The following LHX2 variants were observed in gnomAD, a reference collection of about 807,000 sequenced individuals.
The protein encoded by LHX2 is LIM homeobox 2.
In LHX2, 6 loss-of-function variants were observed where a neutral mutation model predicts 33.0. The ratio of observed to expected loss-of-function variants is 0.18; its 90% CI spans 0.10 to 0.36. The LOEUF is 0.36. Among genes scored for constraint, LHX2 ranks in the 10% least tolerant of loss-of-function variants. The pLI is 1.00. For missense variants in LHX2, 442 were observed against 586.2 expected (o/e 0.75, Z 2.54); for synonymous variants, 292 against 253.1 (o/e 1.15, Z -1.46).
chr9:124,013,763 C>T lies in LHX2; in HGVS notation c.121-198C>T, dbSNP rs1859132915. On this transcript the variant is annotated intron_variant, in intron 1 of 4. Coordinates refer to ENST00000373615, the MANE Select transcript of LHX2 (RefSeq NM_004789.4). ...CCGTGGCTGGCGAGGGCTGCGCAGGCAGGCCTGGGTTCTGAACCGCCCAGA... is the reference window on the plus strand; with the variant it reads ...CCGTGGCTGGCGAGGGCTGCGCAGGTAGGCCTGGGTTCTGAACCGCCCAGA... Among the ~76,000 whole-genome samples, 3 of 152,272 alleles carry T rather than the reference C, an allele frequency of 2.0e-5. No individual in the cohort carries two copies. The South Asian group carries it at 6.2e-4, about 31-fold the overall frequency.
chr9:124,028,643 T>G (rs1828664734), intron 4 of LHX2, among the ~76,000 whole-genome samples: 1 of 152,230 alleles, frequency 6.6e-6, no homozygotes, highest in Non-Finnish European at 1.5e-5. Context: ...CTTCTCTGTT[T>G]CTTCATCCAT....
At chr9:124,017,832 G>T (rs1217716095) in intron 3 of LHX2, among the ~76,000 whole-genome samples, 1 of 152,052 alleles carries the variant, frequency 6.6e-6, no homozygotes, top group African/African-American at 2.4e-5. Context: ...GGCCGCAGCG[G>T]CCTCTTCCCG....
At chr9:124,030,414 G>A (rs991338438) in intron 4 of LHX2, among the ~76,000 whole-genome samples, 4 of 152,124 alleles carry the variant, frequency 2.6e-5, no homozygotes, top group African/African-American at 7.2e-5. Context: ...GGCTTCTGGC[G>A]GGTGTTTTCC....
intron 4 of LHX2, among the ~76,000 whole-genome samples, chr9:124,028,789 A>G (rs1329193358): frequency 6.6e-6 from 1 of 151,920 alleles, no homozygotes; most frequent in Non-Finnish European, 1.5e-5. Context: ...TGGTTTTACC[A>G]CTCTGACCCT....
chr9:124,032,310 G>T lies in LHX2; in HGVS notation c.934-110G>T. On this transcript the variant is annotated intron_variant, in intron 4 of 4. Transcript: ENST00000373615. The surrounding 1 kb of genome is among the most constrained non-coding windows in gnomAD (Gnocchi z 4.1). ...CCAACCTGACTTTTTGGATCCTCTT[G>T]GCAAAACACAGATCAGCGTCCCCAG... The T allele has an allele frequency of 7.5e-7, 1 of 1,326,128 alleles. No homozygotes were observed. The highest frequency in any genetic ancestry group is 1.0e-6 in the Non-Finnish European group (1 of 992,230). 82.1% of individuals were successfully genotyped at this position (1,326,128 alleles called of 1,614,324 possible). A position where few individuals can be genotyped will look rare whatever the true frequency, so the allele number is the denominator to read the frequency against.
At position 124,015,727 on chromosome 9, in the gene LHX2, CCTTGCTGCTCCGGGTGCAGGGCCTTGTCT is replaced by C. The variant is rs1293301637; in HGVS notation, c.727+205_727+233del. 2.0e-5 allele frequency among the ~76,000 whole-genome samples: 3 copies of C among 152,262 alleles called. No individual in the cohort carries two copies. Among genetic ancestry groups the C allele is most frequent in the Non-Finnish European group, 4.4e-5 (3 of 68,042 alleles). On this transcript the variant is annotated intron_variant, in intron 3 of 4. Transcript: ENST00000373615. This position sits in a 1 kb window ranked among gnomAD's most constrained non-coding sequence, Gnocchi z 7.9. ...AGCGGGAGGAGAGGGTGCAGTGGTC[CCTTGCTGCTCCGGGTGCAGGGCCTTGTCT>C]CTGATAAATTGTTTTTTTGGAGATG... is the stretch of plus-strand genomic sequence containing the variant.
chr9:124,029,360 G>A (rs1356726061), intron 4 of LHX2, among the ~76,000 whole-genome samples: 2 of 152,094 alleles, frequency 1.3e-5, no homozygotes, highest in African/African-American at 2.4e-5. Flanking sequence ...GCATAGAAAG[G>A]GTCCCTGCTC....
In LHX2 at chr9:124,012,332, C is replaced by T. The variant is rs775952839; in HGVS notation, c.-17C>T. On this transcript the variant is annotated 5_prime_UTR_variant, in exon 1 of 5. Transcript: ENST00000373615. The surrounding 1 kb of genome is among the most constrained non-coding windows in gnomAD (Gnocchi z 4.3). ...CCTCGGAGGAGCCGCGCCCCCGGCC[C>T]CGCCGGTCCCGCCGCGATGCTGTTC... The T allele has an allele frequency of 6.7e-7, 1 of 1,489,560 alleles. No homozygotes were observed. The highest frequency in any genetic ancestry group is 1.3e-5 in the South Asian group (1 of 79,636). 92.3% of individuals were successfully genotyped at this position (1,489,560 alleles called of 1,614,324 possible). A position where few individuals can be genotyped will look rare whatever the true frequency, so the allele number is the denominator to read the frequency against.
Position 124,024,561 on chromosome 9 carries a change from G to A in LHX2, c.933+3257G>A, listed in dbSNP as rs546593278. ...GCCTGATGCCTTATCTATGAAATGG[G>A]GATGAGAAGGATACCTTACTGGTGG... On this transcript the variant is annotated intron_variant, in intron 4 of 4. Transcript: ENST00000373615. 9.9e-5 allele frequency among the ~76,000 whole-genome samples: 15 copies of A among 152,270 alleles called. No homozygotes were observed. In the South Asian group the frequency reaches 2.5e-3, roughly 25 times the overall value.
chr9:124,019,960 A>G (rs974288558), intron 3 of LHX2, among the ~76,000 whole-genome samples: 1 of 152,050 alleles, frequency 6.6e-6, no homozygotes, highest in Non-Finnish European at 1.5e-5. Context: ...CCCACCCCCA[A>G]TGCCAGCCAG....
chr9:124,016,848 A>G lies in LHX2; in HGVS notation c.727+1323A>G, dbSNP rs1158422917. ...CTGGAACTTCCATCCCTCCTCTCCT[A>G]CCACCCCCCAAAAAAAGACAAAACC... On this transcript the variant is annotated intron_variant, in intron 3 of 4. Coordinates refer to ENST00000373615, the MANE Select transcript of LHX2 (RefSeq NM_004789.4). This position sits in a 1 kb window ranked among gnomAD's most constrained non-coding sequence, Gnocchi z 4.4. 6.6e-6 allele frequency among the ~76,000 whole-genome samples: 1 copy of G among 151,736 alleles called. No individual in the cohort carries two copies. Among genetic ancestry groups the G allele is most frequent in the African/African-American group, 2.4e-5 (1 of 41,238 alleles).
Position 124,032,373 on chromosome 9 carries a change from C to T in LHX2, c.934-47C>T. ...TCTGAGTGAAGCAGTCGGGGGGATG[C>T]TCTGCCTGCCTTCCGCTCACCAGCC... is the stretch of plus-strand genomic sequence containing the variant. On this transcript the variant is annotated intron_variant, in intron 4 of 4. Transcript: ENST00000373615. The surrounding 1 kb of genome is among the most constrained non-coding windows in gnomAD (Gnocchi z 4.1). The T allele has an allele frequency of 6.5e-7, 1 of 1,532,632 alleles. No homozygotes were observed. The highest frequency in any genetic ancestry group is 8.8e-7 in the Non-Finnish European group (1 of 1,139,078). The allele number at this position is 1,532,632 out of a possible 1,614,324, so 94.9% of individuals were successfully genotyped here.
intron 4 of LHX2, 65 bp downstream of exon 4, chr9:124,021,369 C>A: frequency 6.7e-7 from 1 of 1,482,704 alleles, no homozygotes; most frequent in Non-Finnish European, 9.2e-7. Flanking sequence ...CCCTGCACCC[C>A]TCGCCGTGGG....
rs117892887 is a variant in LHX2, at chr9:124,015,789, G to T, written c.727+264G>T. On this transcript the variant is annotated intron_variant, in intron 3 of 4. Coordinates refer to ENST00000373615, the MANE Select transcript of LHX2 (RefSeq NM_004789.4). This position sits in a 1 kb window ranked among gnomAD's most constrained non-coding sequence, Gnocchi z 7.9. ...ATTGTTTTTTTGGAGATGGCTTTTT[G>T]GTTTGGGCCTTTGCCCCACTTTGCT... is the stretch of plus-strand genomic sequence containing the variant. Among the ~76,000 whole-genome samples, 25 of 152,372 alleles carry T rather than the reference G, an allele frequency of 1.6e-4. No individual in the cohort carries two copies. In the East Asian group the frequency reaches 4.8e-3, roughly 29 times the overall value.
chr9:124,022,732 C>T (rs929042383), intron 4 of LHX2, among the ~76,000 whole-genome samples: 12 of 152,244 alleles, frequency 7.9e-5, no homozygotes, highest in Non-Finnish European at 1.6e-4. Flanking sequence ...AAAAAAATGC[C>T]CTCTGTGGGG....
chr9:124,025,178 C>T (rs1056480028), intron 4 of LHX2, among the ~76,000 whole-genome samples: 1 of 152,180 alleles, frequency 6.6e-6, no homozygotes, highest in Admixed American at 6.5e-5. Context: ...GTGGCTCACG[C>T]CTGTAATCCC....
chr9:124,019,336 G>A (rs1193244055), intron 3 of LHX2, among the ~76,000 whole-genome samples: 2 of 152,210 alleles, frequency 1.3e-5, no homozygotes, highest in Non-Finnish European at 2.9e-5. Flanking sequence ...AGGGGAAGGG[G>A]GAGGTCACCA....
At position 124,015,887 on chromosome 9, in the gene LHX2, A is replaced by G. The variant is rs2118752189; in HGVS notation, c.727+362A>G. ...AACAGGTTTTGGGTTGGCGCGGCTG[A>G]GGGCCGGGAACTGGGGCAGCGAAGG... On this transcript the variant is annotated intron_variant, in intron 3 of 4. Coordinates refer to ENST00000373615, the MANE Select transcript of LHX2 (RefSeq NM_004789.4). The surrounding 1 kb of genome is among the most constrained non-coding windows in gnomAD (Gnocchi z 7.9). 6.6e-6 allele frequency among the ~76,000 whole-genome samples: 1 copy of G among 152,358 alleles called. No homozygotes were observed. Among genetic ancestry groups the G allele is most frequent in the African/African-American group, 2.4e-5 (1 of 41,596 alleles).
intron 1 of LHX2, 127 bp from the exon 2 acceptor site, chr9:124,013,834 C>T: frequency 1.2e-6 from 1 of 824,680 alleles, no homozygotes; most frequent in South Asian, 1.7e-5. Flanking sequence ...GCCGCATGTC[C>T]TGGCAGCCCC....
Sources: gnomAD v4.1 joint callset for allele counts (sites outside exome capture counted in the v4.1 genomes callset) on GRCh38, gnomAD v4.1.1 for gene constraint, Gnocchi (gnomAD v3.1) non-coding constraint, MANE v1.5 for transcripts, NCBI Gene and HGNC (gene_info 2026-07-23, HGNC 2026-07-21) for gene names.